The following BEND7 variants were observed in gnomAD, a reference collection of about 807,000 sequenced individuals.
The protein encoded by BEND7 is BEN domain containing 7.
A neutral mutation model predicts 50.9 loss-of-function variants in BEND7; 28 were observed. The observed-to-expected ratio is 0.55, with a 90% CI of 0.41 to 0.75. BEND7 has a LOEUF of 0.75. BEND7 is among the 30% of genes least tolerant of loss of function. BEND7 has a pLI of 0.00. For missense variants in BEND7, 477 were observed against 491.3 expected (o/e 0.97, Z 0.28); for synonymous variants, 170 against 183.9 (o/e 0.92, Z 0.61).
chr10:13,447,082 A>G, intron 8 of BEND7, 184 bp downstream of exon 8: 1 of 644,848 alleles, frequency 1.6e-6, no homozygotes. Context: ...ACGTTTTTCT[A>G]TTCAGTATGA....
intron 6 of BEND7, among the ~76,000 whole-genome samples, chr10:13,456,889 T>A (rs549061458): frequency 6.6e-6 from 1 of 152,336 alleles, no homozygotes; most frequent in African/African-American, 2.4e-5. Context: ...ATTAATAGGA[T>A]CTATTTAAAG....
chr10:13,521,342 G>C (rs745866349), intron 2 of BEND7, among the ~76,000 whole-genome samples: 71 of 152,136 alleles, frequency 4.7e-4, no homozygotes, highest in South Asian at 2.1e-4. Flanking sequence ...CATAAAGAGG[G>C]AAAAACAACA....
chr10:13,528,860 T>G lies in BEND7; in HGVS notation c.-327A>C, dbSNP rs2079575444. The G allele has an allele frequency of 7.1e-6, 1 of 140,806 alleles. No homozygotes were observed. The allele number at this position is 140,806 out of a possible 1,614,324, so 8.7% of individuals were successfully genotyped here. A position where few individuals can be genotyped will look rare whatever the true frequency, so the allele number is the denominator to read the frequency against. On this transcript the variant is annotated 5_prime_UTR_variant, in exon 1 of 9. Transcript: ENST00000466271. ...AGACGCCGCCCGCCGCAGCCCAACTTTCCGTTGGGAGCGGGCCGGGCCGGG... is the reference window on the plus strand; with the variant it reads ...AGACGCCGCCCGCCGCAGCCCAACTGTCCGTTGGGAGCGGGCCGGGCCGGG...
At chr10:13,440,526 A>G (rs1169852717), downstream of BEND7, among the ~76,000 whole-genome samples, 1 of 152,206 alleles carries the variant, frequency 6.6e-6, no homozygotes, top group Non-Finnish European at 1.5e-5. Context: ...CCAGGGGCCC[A>G]GAGTCAGACC....
chr10:13,466,896 C>T (rs568102331), intron 6 of BEND7, among the ~76,000 whole-genome samples: 2 of 152,228 alleles, frequency 1.3e-5, no homozygotes, highest in South Asian at 2.1e-4. Context: ...CTGGAATGAA[C>T]GCCTCCAGTG....
chr10:13,441,886 C>T (rs1035055051), intron 8 of BEND7, 136 bp from the exon 9 acceptor site: 1 of 837,862 alleles, frequency 1.2e-6, no homozygotes, highest in Non-Finnish European at 1.9e-6. Context: ...GAAAAAGAAG[C>T]CACACATATA....
intron 1 of BEND7, among the ~76,000 whole-genome samples, chr10:13,526,471 C>T (rs774015535): frequency 7.2e-5 from 11 of 152,158 alleles, no homozygotes; most frequent in African/African-American, 2.2e-4. Flanking sequence ...ACCATGTTCA[C>T]GGTAAATTGT....
At chr10:13,447,348 A>G (rs759678589) in intron 7 of BEND7, 32 bp from the exon 8 acceptor site, 1 of 1,609,870 alleles carries the variant, frequency 6.2e-7, no homozygotes, top group East Asian at 2.2e-5. Flanking sequence ...CACAAATCTC[A>G]TTAGTTCCAG....
At chr10:13,449,928 G>A (rs181950249) in intron 7 of BEND7, among the ~76,000 whole-genome samples, 93 of 152,200 alleles carry the variant, frequency 6.1e-4, no homozygotes, top group African/African-American at 1.7e-3. Context: ...TTTCTTCCCC[G>A]GTGACAATCA....
At chr10:13,493,491 C>A (rs1366225771) in intron 4 of BEND7, among the ~76,000 whole-genome samples, 2 of 152,192 alleles carry the variant, frequency 1.3e-5, no homozygotes, top group African/African-American at 4.8e-5. Context: ...CTCCACACAT[C>A]AACCACCTCC....
At chr10:13,470,756 T>C (rs1032632998) in intron 6 of BEND7, among the ~76,000 whole-genome samples, 1 of 152,126 alleles carries the variant, frequency 6.6e-6, no homozygotes, top group African/African-American at 2.4e-5. Flanking sequence ...GGGGCCGAGG[T>C]AGCTTTCAGA....
chr10:13,513,761 T>C (rs562029442), intron 2 of BEND7, among the ~76,000 whole-genome samples: 2 of 152,066 alleles, frequency 1.3e-5, no homozygotes, highest in African/African-American at 4.8e-5. Flanking sequence ...CTCCATGGAG[T>C]GCCAATATCC....
chr10:13,511,596 T>A (rs2078278836), intron 2 of BEND7, among the ~76,000 whole-genome samples: 1 of 152,108 alleles, frequency 6.6e-6, no homozygotes, highest in Non-Finnish European at 1.5e-5. Context: ...CGTTTTGTAA[T>A]CCCTGGAATA....
intron 2 of BEND7, among the ~76,000 whole-genome samples, chr10:13,507,341 C>T (rs1435666666): frequency 6.6e-6 from 1 of 152,174 alleles, no homozygotes; most frequent in African/African-American, 2.4e-5. Flanking sequence ...ACCCATCACT[C>T]AGGGATGTCA....
At chr10:13,516,304 G>A (rs1202510568) in intron 2 of BEND7, among the ~76,000 whole-genome samples, 1 of 152,206 alleles carries the variant, frequency 6.6e-6, no homozygotes, top group East Asian at 1.9e-4. Context: ...AGATTCCAGG[G>A]GTGCTGTCCC....
At chr10:13,510,060 C>A (rs1247870339) in intron 2 of BEND7, among the ~76,000 whole-genome samples, 1 of 152,054 alleles carries the variant, frequency 6.6e-6, no homozygotes, top group Non-Finnish European at 1.5e-5. Context: ...ACCACCACTT[C>A]AAGTAATATT....
intron 6 of BEND7, among the ~76,000 whole-genome samples, chr10:13,464,938 C>T (rs2074079708): frequency 6.6e-6 from 1 of 152,204 alleles, no homozygotes; most frequent in Non-Finnish European, 1.5e-5. Context: ...GAGAAGACAG[C>T]AGTGCATCTC....
chr10:13,476,294 C>T (rs939453571), intron 6 of BEND7, among the ~76,000 whole-genome samples: 1 of 152,082 alleles, frequency 6.6e-6, no homozygotes, highest in Non-Finnish European at 1.5e-5. Context: ...TTTTGGAGGG[C>T]TACCAAACAA....
At chr10:13,503,962 C>A (rs1359962637) in intron 2 of BEND7, among the ~76,000 whole-genome samples, 1 of 152,192 alleles carries the variant, frequency 6.6e-6, no homozygotes, top group Admixed American at 6.5e-5. Flanking sequence ...GTCACCCCTG[C>A]AGCTGCTGCC....
Sources: allele counts gnomAD v4.1 joint callset (sites outside exome capture counted in the v4.1 genomes callset), GRCh38; gene constraint gnomAD v4.1.1; transcripts MANE v1.5; gene names NCBI Gene and HGNC (gene_info 2026-07-23, HGNC 2026-07-21).